Variants in TMEM131 observed in about 807,000 individuals in gnomAD.
The protein encoded by TMEM131 is 2610524E03Rik.
TMEM131 carries 66 observed loss-of-function variants against 211.6 expected under a neutral mutation model. The observed-to-expected ratio is 0.31, with a 90% CI of 0.26 to 0.38. The LOEUF is 0.38. Among genes scored for constraint, TMEM131 ranks in the 10% least tolerant of loss-of-function variants. The probability of loss-of-function intolerance (pLI) is 1.00; values close to 1 mark genes in which losing one functional copy is unlikely to be tolerated. For missense variants in TMEM131, 2,036 were observed against 2,299.3 expected (o/e 0.89, Z 2.34); for synonymous variants, 844 against 841.3 (o/e 1.00, Z -0.06).
intron 28 of TMEM131, 106 bp from the exon 29 acceptor site, chr2:97,795,221 G>C (rs1213646641): frequency 4.0e-6 from 3 of 755,754 alleles, no homozygotes; most frequent in African/African-American, 3.6e-5. Flanking sequence ...CAGAATTTGC[G>C]TTTGATACTT....
intron 5 of TMEM131, among the ~76,000 whole-genome samples, chr2:97,849,211 G>A (rs1389953095): frequency 6.6e-6 from 1 of 152,116 alleles, no homozygotes. Context: ...TTTCTCATGG[G>A]AATACAAACT....
At position 97,995,602 on chromosome 2, in the gene TMEM131, C is replaced by A. The variant is rs759215035; in HGVS notation, c.61G>T (p.Ala21Ser). The change falls in exon 1 of 41, where the codon GCC becomes TCC. Residue 21 changes from alanine to serine, a missense_variant. By Grantham distance (99) the Ala-to-Ser change is moderately conservative. Transcript: ENST00000186436. ...GCCGCAGGTTCCAGCCCGGCCCCGG[C>A]GGACGTGGAGACGGCGGCGGTGGTG... ...GATTAAVSTS[A>S]GAGLEPAAAR... 6.7e-5 allele frequency: 84 copies of A among 1,256,516 alleles called. No homozygotes were observed. The African/African-American group carries it at 1.2e-3, about 19-fold the overall frequency. The allele number at this position is 1,256,516 out of a possible 1,614,324, so 77.8% of individuals were successfully genotyped here. A position where few individuals can be genotyped will look rare whatever the true frequency, so the allele number is the denominator to read the frequency against.
intron 3 of TMEM131, among the ~76,000 whole-genome samples, chr2:97,906,594 T>C (rs1395175917): frequency 6.6e-6 from 1 of 152,058 alleles, no homozygotes; most frequent in Non-Finnish European, 1.5e-5. Context: ...ACTCTTGGAG[T>C]CCAGCCATCA....
chr2:97,964,440 G>T (rs1481233560), intron 1 of TMEM131, among the ~76,000 whole-genome samples: 1 of 152,194 alleles, frequency 6.6e-6, no homozygotes, highest in Non-Finnish European at 1.5e-5. Context: ...ATACAGTTGG[G>T]AAAGAAGTCA....
chr2:97,783,404 TAA>T (rs1362935021), intron 31 of TMEM131, among the ~76,000 whole-genome samples: 1 of 152,146 alleles, frequency 6.6e-6, no homozygotes, highest in Non-Finnish European at 1.5e-5. Context: ...CTTCATATCT[TAA>T]GTCTTCTAAA....
In TMEM131 at chr2:97,995,499, G is replaced by A. The variant is rs956125572; in HGVS notation, c.164C>T (p.Ala55Val). The A allele has an allele frequency of 1.4e-6, 2 of 1,411,478 alleles. No individual in the cohort carries two copies. The highest frequency in any genetic ancestry group is 1.5e-5 in the African/African-American group (1 of 66,786). 87.4% of individuals were successfully genotyped at this position (1,411,478 alleles called of 1,614,324 possible). Residue 55 changes from alanine to valine, a missense_variant, in exon 1 of 41, where the codon GCT becomes GTT. Physicochemically the swap from Ala to Val is moderately conservative, Grantham distance 64 (BLOSUM62 0). Around this residue, in one of 3 missense-constraint regions of TMEM131, gnomAD observed 136 missense variants for 115.4 expected, o/e 1.18. Transcript: ENST00000186436. Reference sequence around the variant, plus strand: ...ACCTTCCTTCTCGGCCCGCGCCGCAGCCACTACGAGGGTCATCACCAGGTG... The same window carrying A: ...ACCTTCCTTCTCGGCCCGCGCCGCAACCACTACGAGGGTCATCACCAGGTG... ...ALHLVMTLVVAAARAEKEAFV... is the reference protein window; with the variant it reads ...ALHLVMTLVVVAARAEKEAFV...
At chr2:97,987,433 A>G (rs1257080851) in intron 1 of TMEM131, among the ~76,000 whole-genome samples, 1 of 152,060 alleles carries the variant, frequency 6.6e-6, no homozygotes, top group African/African-American at 2.4e-5. Context: ...AACCCGGGAG[A>G]CAGAGGCTGC....
intron 1 of TMEM131, among the ~76,000 whole-genome samples, chr2:97,995,091 TACC>T (rs1017569884): frequency 6.6e-5 from 10 of 152,370 alleles, no homozygotes; most frequent in Admixed American, 5.9e-4. Flanking sequence ...TCGCTATTTT[TACC>T]ACATTTTAAA....
At chr2:97,995,384 GGCCGCGGCCCTTCCTCCCGGCCCA>G in intron 1 of TMEM131, 68 bp downstream of exon 1, 1 of 1,223,128 alleles carries the variant, frequency 8.2e-7, no homozygotes, top group South Asian at 2.8e-5. Context: ...CCGGAGCCCC[GGCCGCGGCCCTTCCTCCCGGCCCA>G]GCCCTCCCGG....
At chr2:97,943,599 G>A (rs920343350) in intron 1 of TMEM131, among the ~76,000 whole-genome samples, 2 of 152,126 alleles carry the variant, frequency 1.3e-5, no homozygotes, top group Non-Finnish European at 2.9e-5. Context: ...CAGATCCAAC[G>A]CAATCTTGTC....
chr2:97,785,417 TA>T (rs1252016926), intron 31 of TMEM131, among the ~76,000 whole-genome samples: 5 of 152,034 alleles, frequency 3.3e-5, no homozygotes, highest in African/African-American at 7.2e-5. Context: ...CACATGAAAA[TA>T]TATTCAATAT....
chr2:97,760,533 G>A, intron 38 of TMEM131, 60 bp downstream of exon 38: 2 of 1,481,080 alleles, frequency 1.4e-6, no homozygotes, highest in Non-Finnish European at 9.3e-7. Context: ...GGATAAAAAG[G>A]TGCTAACCCG....
At chr2:97,907,884 G>A (rs1676137134) in intron 3 of TMEM131, among the ~76,000 whole-genome samples, 1 of 152,154 alleles carries the variant, frequency 6.6e-6, no homozygotes, top group Non-Finnish European at 1.5e-5. Flanking sequence ...AACAGGAAGA[G>A]CAACTATACC....
At chr2:97,871,235 TA>T (rs1674477067) in intron 4 of TMEM131, among the ~76,000 whole-genome samples, 1 of 152,202 alleles carries the variant, frequency 6.6e-6, no homozygotes, top group Non-Finnish European at 1.5e-5. Flanking sequence ...TTTGCAAAAT[TA>T]GAACAGTAAG....
At chr2:97,833,907 C>T (rs1682823133) in intron 10 of TMEM131, among the ~76,000 whole-genome samples, 1 of 152,170 alleles carries the variant, frequency 6.6e-6, no homozygotes, top group Non-Finnish European at 1.5e-5. Context: ...AAGTGCCCTG[C>T]CTGCCTCCAC....
chr2:97,995,383 C>T, intron 1 of TMEM131, 93 bp downstream of exon 1: 1 of 1,220,682 alleles, frequency 8.2e-7, no homozygotes, highest in Non-Finnish European at 1.0e-6. Context: ...GCCGGAGCCC[C>T]GGCCGCGGCC....
chr2:97,870,054 G>A (rs1036250350), intron 4 of TMEM131, among the ~76,000 whole-genome samples: 1 of 152,068 alleles, frequency 6.6e-6, no homozygotes, highest in African/African-American at 2.4e-5. Flanking sequence ...AAACTCTCTT[G>A]CATCCAATAT....
chr2:97,786,494 A>T (rs1483314638), intron 31 of TMEM131, among the ~76,000 whole-genome samples: 1 of 152,178 alleles, frequency 6.6e-6, no homozygotes, highest in Non-Finnish European at 1.5e-5. Flanking sequence ...ACACCACTGC[A>T]CTCCAGCCAG....
At chr2:97,943,090 A>AGCTGGGTGTGGTGGTGC (rs1677871183) in intron 1 of TMEM131, among the ~76,000 whole-genome samples, 1 of 146,782 alleles carries the variant, frequency 6.8e-6, no homozygotes, top group Non-Finnish European at 1.5e-5. Flanking sequence ...AGAAAGAAAG[A>AGCTGGGTGTGGTGGTGC]AAGAAAGAAA....
Sources: allele counts gnomAD v4.1 joint callset (sites outside exome capture counted in the v4.1 genomes callset), GRCh38; gene constraint gnomAD v4.1.1; regional missense constraint gnomAD v4.1.1; transcripts MANE v1.5; gene names NCBI Gene and HGNC (gene_info 2026-07-23, HGNC 2026-07-21).